The following STK10 variants were observed in gnomAD, a reference collection of about 807,000 sequenced individuals.
The protein encoded by STK10 is serine/threonine kinase 10, also known as serine/threonine-protein kinase 10.
A neutral mutation model predicts 113.8 loss-of-function variants in STK10; 78 were observed. The observed-to-expected ratio is 0.69, with a 90% confidence interval of 0.57 to 0.83. The LOEUF (loss-of-function observed/expected upper bound fraction) is 0.83. STK10 is among the 40% of genes least tolerant of loss of function. The pLI, the probability that STK10 is intolerant of heterozygous loss-of-function variation, is 0.00. For synonymous variants in STK10, 465 were observed against 494.7 expected (o/e 0.94, Z 0.80); for missense variants, 1,109 against 1,280.1 (o/e 0.87, Z 2.04).
chr5:172,142,163 C>G (rs1769986009), intron 2 of STK10, among the ~76,000 whole-genome samples: 1 of 152,164 alleles, frequency 6.6e-6, no homozygotes, highest in Non-Finnish European at 1.5e-5. Context: ...GACCTGCACA[C>G]CTCAATTTAA....
intron 1 of STK10, among the ~76,000 whole-genome samples, chr5:172,162,797 C>A (rs1770497150): frequency 6.6e-6 from 1 of 152,202 alleles, no homozygotes; most frequent in Admixed American, 6.5e-5. Context: ...GTCACCTTTA[C>A]CTGGGTTTCC....
chr5:172,062,306 C>T (rs1038149082), intron 13 of STK10, among the ~76,000 whole-genome samples: 3 of 152,100 alleles, frequency 2.0e-5, no homozygotes, highest in East Asian at 3.8e-4. Flanking sequence ...TTAGAAACCA[C>T]GGAATTAGTA....
Position 172,093,496 on chromosome 5 carries a change from G to A in STK10, c.1470C>T (p.Leu490=). 6.2e-7 allele frequency: 1 copy of A among 1,614,252 alleles called. No individual in the cohort carries two copies. The highest frequency in any genetic ancestry group is 8.5e-7 in the Non-Finnish European group (1 of 1,180,046). The change falls in exon 9 of 19, where the codon CTC becomes CTT. Residue 490 remains leucine, a synonymous_variant. Coordinates refer to ENST00000176763, the MANE Select transcript of STK10 (RefSeq NM_005990.4). This position sits in a 1 kb window ranked among gnomAD's most constrained non-coding sequence, Gnocchi z 4.1. ...CATAGTCCATGCTCTCAGAGGTGCA[G>A]AGGCTGCTGCAGTCCGAGTCCCTCT... ...PSKRDSDCSS[L]CTSESMDYGT... is the part of the protein sequence containing the mutation.
At chr5:172,184,775 C>T (rs1240312598) in intron 1 of STK10, among the ~76,000 whole-genome samples, 1 of 152,170 alleles carries the variant, frequency 6.6e-6, no homozygotes, top group Non-Finnish European at 1.5e-5. Context: ...CCTCAGCCTC[C>T]CGAGTAGCTG....
chr5:172,098,344 T>C (rs1265552026), intron 7 of STK10, among the ~76,000 whole-genome samples: 1 of 152,096 alleles, frequency 6.6e-6, no homozygotes, highest in African/African-American at 2.4e-5. Context: ...AGGGGCCTCA[T>C]TCAAGGTCAA....
At chr5:172,061,036 T>C (rs1767920998) in intron 14 of STK10, 103 bp downstream of exon 14, 1 of 1,447,008 alleles carries the variant, frequency 6.9e-7, no homozygotes. Flanking sequence ...GTTTTGGGGA[T>C]GGAGAAGGCC....
At chr5:172,136,724 T>A (rs143960833) in intron 2 of STK10, among the ~76,000 whole-genome samples, 525 of 152,248 alleles carry the variant, frequency 3.4e-3, no homozygotes, top group Non-Finnish European at 5.9e-3. Context: ...TGCTTATATA[T>A]AACAAAAATC....
In STK10 at chr5:172,177,569, G is replaced by C. The variant is rs1030572234; in HGVS notation, c.156+10318C>G. On this transcript the variant is annotated intron_variant, in intron 1 of 18. Transcript: ENST00000176763. Reference sequence around the variant, plus strand: ...CTATCGAGCACCTGACATGTGGCTGGTGCAGATGGAGATGTGCCATAAGTG... The same window carrying C: ...CTATCGAGCACCTGACATGTGGCTGCTGCAGATGGAGATGTGCCATAAGTG... Among the ~76,000 whole-genome samples the C allele has an allele frequency of 3.9e-5, 6 of 152,302 alleles. No individual in the cohort carries two copies. The East Asian group carries it at 1.2e-3, about 29-fold the overall frequency.
At chr5:172,160,822 TGTGATTGGAACTAG>T (rs1408203661) in intron 1 of STK10, among the ~76,000 whole-genome samples, 6 of 152,252 alleles carry the variant, frequency 3.9e-5, no homozygotes, top group African/African-American at 1.4e-4. Flanking sequence ...AGAGGGGAAA[TGTGATTGGAACTAG>T]GGGAGTGGCA....
intron 18 of STK10, among the ~76,000 whole-genome samples, chr5:172,046,201 A>G (rs1767490046): frequency 6.6e-6 from 1 of 151,502 alleles, no homozygotes; most frequent in South Asian, 2.1e-4. Flanking sequence ...CTCTACTAAA[A>G]ACACAAAAAT....
Position 172,105,751 on chromosome 5 carries a change from C to T in STK10, c.789-14G>A, listed in dbSNP as rs34162749. On this transcript the variant is annotated splice_polypyrimidine_tract_variant and intron_variant, in intron 6 of 18. Coordinates refer to ENST00000176763, the MANE Select transcript of STK10 (RefSeq NM_005990.4). ...AACTCTACAGACCTGGGAGGACAGG[C>T]GTCAGAGGTAAGCATGGAGGAGGCA... 6.6e-5 allele frequency: 106 copies of T among 1,613,272 alleles called. No homozygotes were observed. The African/African-American group carries it at 1.3e-3, about 19-fold the overall frequency.
At chr5:172,140,514 T>C (rs898768134) in intron 2 of STK10, among the ~76,000 whole-genome samples, 1 of 152,012 alleles carries the variant, frequency 6.6e-6, no homozygotes, top group South Asian at 2.1e-4. Context: ...CTGGCCAACA[T>C]GGCAAAACCT....
intron 12 of STK10, among the ~76,000 whole-genome samples, chr5:172,068,917 T>C (rs1180594286): frequency 6.7e-6 from 1 of 150,050 alleles, no homozygotes; most frequent in African/African-American, 2.5e-5. Context: ...AACGTGACAA[T>C]TATAACAAAA....
At chr5:172,147,473 C>G (rs1478105831) in intron 2 of STK10, among the ~76,000 whole-genome samples, 1 of 151,978 alleles carries the variant, frequency 6.6e-6, no homozygotes, top group Non-Finnish European at 1.5e-5. Flanking sequence ...CTCTCTGCAA[C>G]CTCTGCCTCC....
chr5:172,114,473 A>ATATATATATATATAT (rs1226289994), intron 4 of STK10: 6 of 47,542 alleles, frequency 1.3e-4, no homozygotes, highest in South Asian at 8.4e-4. Context: ...ATATATATAT[A>ATATATATATATATAT]TTTTTTTTTT....
chr5:172,087,297 CAG>C (rs1199860416), intron 10 of STK10, among the ~76,000 whole-genome samples: 1 of 151,968 alleles, frequency 6.6e-6, no homozygotes, highest in Non-Finnish European at 1.5e-5. Context: ...ACTTTTGAGA[CAG>C]AATCTCACCC....
intron 2 of STK10, among the ~76,000 whole-genome samples, chr5:172,137,724 CAAA>C (rs34773105): frequency 5.5e-5 from 5 of 91,012 alleles, no homozygotes; most frequent in Admixed American, 1.2e-4. Flanking sequence ...ACTAAAAATA[CAAA>C]AAAAAAAAAA....
intron 3 of STK10, among the ~76,000 whole-genome samples, chr5:172,119,639 A>C (rs113070454): frequency 0.1 from 15,926 of 151,856 alleles, 970 homozygotes; most frequent in African/African-American, 0.16. Context: ...CCGAGGTGGG[A>C]GGATCACGAG....
intron 2 of STK10, among the ~76,000 whole-genome samples, chr5:172,149,940 G>A (rs1770179024): frequency 4.6e-5 from 7 of 151,504 alleles, no homozygotes. Flanking sequence ...CCAGCTACTC[G>A]GGAGGCTGAG....
Sources: gnomAD v4.1 joint callset for allele counts (sites outside exome capture counted in the v4.1 genomes callset) on GRCh38, gnomAD v4.1.1 for gene constraint, Gnocchi (gnomAD v3.1) non-coding constraint, MANE v1.5 for transcripts, NCBI Gene and HGNC (gene_info 2026-07-23, HGNC 2026-07-21) for gene names.